RTL4: variants seen among roughly 807,000 people sequenced by gnomAD.
RTL4 encodes retrotransposon Gag-like protein 4.
RTL4 carries 4 observed loss-of-function variants against 5.3 expected under a neutral mutation model. That is an observed-to-expected ratio of 0.75 (90% confidence interval 0.37 to 1.72). The LOEUF (loss-of-function observed/expected upper bound fraction) is 1.72, where lower values mean the gene tolerates loss of function less well. RTL4 is among the 40% of genes most tolerant of loss of function. The probability of loss-of-function intolerance (pLI) is 0.04; values close to 1 mark genes in which losing one functional copy is unlikely to be tolerated. For missense variants in RTL4, 260 were observed against 227.1 expected, an observed-to-expected ratio of 1.14 and a Z score of -0.93; for synonymous variants, 98 against 87.3, an observed-to-expected ratio of 1.12 and a Z score of -0.68.
chrX:112,262,616 C>A, the RTL4 span, among the ~76,000 whole-genome samples: 2 of 112,018 alleles, frequency 1.8e-5, no homozygotes. Context: ...CTAGTTCAAC[C>A]ATTGTGGAAG....
the RTL4 span, among the ~76,000 whole-genome samples, chrX:112,256,854 C>T: frequency 3.6e-5 from 4 of 111,692 alleles, no homozygotes; most frequent in Non-Finnish European, 7.6e-5. Context: ...ACAATCTTTG[C>T]ACATTAATTG....
the RTL4 span, among the ~76,000 whole-genome samples, chrX:112,319,596 CATGAGACA>C: frequency 8.9e-6 from 1 of 111,824 alleles, no homozygotes; most frequent in East Asian, 2.8e-4. Flanking sequence ...GTAATTAAGA[CATGAGACA>C]TTTCCACCGC....
the RTL4 span, among the ~76,000 whole-genome samples, chrX:112,134,249 C>T: frequency 2.7e-5 from 3 of 111,947 alleles, no homozygotes; most frequent in Admixed American, 9.5e-5. Flanking sequence ...ACCATATACT[C>T]TTGAGAAATC....
the RTL4 span, among the ~76,000 whole-genome samples, chrX:112,429,750 AT>A: frequency 1.0e-4 from 11 of 109,260 alleles, no homozygotes; most frequent in African/African-American, 2.3e-4. Flanking sequence ...AATTTCCTCA[AT>A]TTTTTTTTCA....
chrX:112,317,399 C>T, the RTL4 span, among the ~76,000 whole-genome samples: 1 of 112,000 alleles, frequency 8.9e-6, no homozygotes, highest in African/African-American at 3.2e-5. Flanking sequence ...CTTTACTGGG[C>T]AGTCAGGGCT....
At chrX:112,328,599 C>T in the RTL4 span, among the ~76,000 whole-genome samples, 1 of 111,330 alleles carries the variant, frequency 9.0e-6, no homozygotes, top group Non-Finnish European at 1.9e-5. Flanking sequence ...GACAGATCAA[C>T]AAGAGAGAAA....
the RTL4 span, among the ~76,000 whole-genome samples, chrX:112,359,259 A>G: frequency 9.0e-6 from 1 of 111,514 alleles, no homozygotes; most frequent in African/African-American, 3.3e-5. Flanking sequence ...GGTATCCATC[A>G]TTTAAAGCAT....
the RTL4 span, among the ~76,000 whole-genome samples, chrX:112,282,103 G>T: frequency 8.9e-6 from 1 of 111,981 alleles, no homozygotes; most frequent in Non-Finnish European, 1.9e-5. Flanking sequence ...TCTTGTAATA[G>T]TTTTACTGTT....
chrX:112,159,843 C>T, the RTL4 span, among the ~76,000 whole-genome samples: 1 of 110,870 alleles, frequency 9.0e-6, no homozygotes, highest in Admixed American at 9.6e-5. Flanking sequence ...AGCCCCTACA[C>T]CTCTGTTTTT....
At chrX:112,379,976 A>C in the RTL4 span, among the ~76,000 whole-genome samples, 3 of 111,020 alleles carry the variant, frequency 2.7e-5, no homozygotes, top group African/African-American at 9.8e-5. Flanking sequence ...CATACTCCTT[A>C]TTGTACTAAA....
At chrX:112,147,124 C>T in the RTL4 span, among the ~76,000 whole-genome samples, 1 of 108,695 alleles carries the variant, frequency 9.2e-6, no homozygotes, top group African/African-American at 3.4e-5. Flanking sequence ...GAATTTCTCT[C>T]GTCTCTAAAA....
At chrX:112,133,634 T>C in the RTL4 span, among the ~76,000 whole-genome samples, 1 of 111,858 alleles carries the variant, frequency 8.9e-6, no homozygotes, top group Non-Finnish European at 1.9e-5. Flanking sequence ...GGGTTCTAGC[T>C]CTGGCTTCTC....
chrX:112,331,085 A>C, the RTL4 span, among the ~76,000 whole-genome samples: 49 of 103,728 alleles, frequency 4.7e-4, 1 homozygote, highest in Admixed American at 3.5e-3. Flanking sequence ...ACCATTCAGG[A>C]CATAGGCATG....
chrX:112,313,364 G>C, the RTL4 span, among the ~76,000 whole-genome samples: 9 of 111,270 alleles, frequency 8.1e-5, no homozygotes, highest in African/African-American at 2.9e-4. Flanking sequence ...GCTCTGAGTG[G>C]TGAAAGAAGT....
chrX:112,116,154 T>A, the RTL4 span, among the ~76,000 whole-genome samples: 1 of 112,067 alleles, frequency 8.9e-6, no homozygotes. Context: ...TCTAACTGGC[T>A]GACAGATGCC....
chrX:112,109,702 T>G, the RTL4 span, among the ~76,000 whole-genome samples: 56 of 110,797 alleles, frequency 5.1e-4, no homozygotes, highest in Non-Finnish European at 9.1e-4. Flanking sequence ...TGACAGAAAA[T>G]TTTTCCAAGT....
chrX:112,124,754 A>G, the RTL4 span, among the ~76,000 whole-genome samples: 2 of 110,696 alleles, frequency 1.8e-5, no homozygotes. Context: ...ACCTATACCT[A>G]TGTAACAAAC....
the RTL4 span, among the ~76,000 whole-genome samples, chrX:112,153,431 G>A: frequency 8.9e-6 from 1 of 111,990 alleles, no homozygotes; most frequent in African/African-American, 3.2e-5. Flanking sequence ...ATCAATCAAA[G>A]TGAATAAATG....
the RTL4 span, among the ~76,000 whole-genome samples, chrX:112,345,113 A>T: frequency 9.0e-6 from 1 of 111,151 alleles, no homozygotes; most frequent in East Asian, 2.9e-4. Context: ...AAACCATATC[A>T]CCATGCAAGG....
Sources: allele counts gnomAD v4.1 joint callset (sites outside exome capture counted in the v4.1 genomes callset), GRCh38; gene constraint gnomAD v4.1.1; transcripts MANE v1.5; gene names NCBI Gene and HGNC (gene_info 2026-07-23, HGNC 2026-07-21).